ALKAL2: variants seen among roughly 807,000 people sequenced by gnomAD.
ALKAL2 encodes ALK and LTK ligand 2.
ALKAL2 carries 8 observed loss-of-function variants against 18.5 expected under a neutral mutation model. The observed-to-expected ratio is 0.43, with a 90% CI of 0.25 to 0.78. ALKAL2 has a LOEUF of 0.78. ALKAL2 is among the 30% of genes least tolerant of loss of function. The pLI is 0.22. For missense variants in ALKAL2, 241 were observed against 211.2 expected (o/e 1.14, Z -0.88); for synonymous variants, 135 against 95.8 (o/e 1.41, Z -2.39).
intron 1 of ALKAL2, 33 bp from the exon 2 acceptor site, chr2:287,925 A>G (rs1670584099): frequency 1.6e-6 from 2 of 1,236,454 alleles, no homozygotes; most frequent in East Asian, 6.7e-5. Context: ...GGCCGGAGAG[A>G]AAGTCAGCGG....
In ALKAL2 at chr2:283,095, G is replaced by T; in HGVS notation, c.453+16C>A. 6.2e-7 allele frequency: 1 copy of T among 1,607,192 alleles called. No homozygotes were observed. Among genetic ancestry groups the T allele is most frequent in the African/African-American group, 1.3e-5 (1 of 74,926 alleles). ...ATCTTTGGTATGTGCTCCAGTGTGT[G>T]TCTGTCCAAGCTTACCTTATCCTCC... On this transcript the variant is annotated intron_variant, in intron 5 of 5. Coordinates refer to ENST00000403610, the MANE Select transcript of ALKAL2 (RefSeq NM_001002919.3).
intron 4 of ALKAL2, chr2:283,690 C>T (rs1193542774): frequency 9.7e-5 from 59 of 608,480 alleles, no homozygotes; most frequent in Non-Finnish European, 1.2e-4. Flanking sequence ...CTGGCTGATA[C>T]TCCTTGGTAT....
At chr2:286,568 G>A in intron 2 of ALKAL2, 1 of 493,540 alleles carries the variant, frequency 2.0e-6, no homozygotes. Context: ...TGAAGCTCCA[G>A]GATTATGTCG....
Position 287,765 on chromosome 2 carries a change from C to A in ALKAL2, c.71G>T (p.Gly24Val). ...LVLGAAGRGR[G>V]GAEPREPADG... is the part of the protein sequence containing the mutation. ...CGCCGGCTCCCGGGGCTCCGCGCCC[C>A]CCCGGCCGCGCCCCGCCGCCCCCAG... Residue 24 changes from glycine to valine, a missense_variant, in exon 2 of 6, where the codon GGG (glycine) becomes GTG (valine). Gly to Val is a moderately radical substitution (Grantham distance 109). Coordinates refer to ENST00000403610, the MANE Select transcript of ALKAL2 (RefSeq NM_001002919.3). 1 of 1,429,102 alleles carries A rather than the reference C, an allele frequency of 7.0e-7. No homozygotes were observed. The allele number at this position is 1,429,102 out of a possible 1,614,324, so 88.5% of individuals were successfully genotyped here.
Position 286,109 on chromosome 2 carries a change from A to G in ALKAL2, c.388+14T>C, listed in dbSNP as rs766941663. 2.2e-5 allele frequency: 35 copies of G among 1,608,478 alleles called. No homozygotes were observed. Among genetic ancestry groups the G allele is most frequent in the East Asian group, 1.1e-4 (5 of 44,856 alleles). On this transcript the variant is annotated intron_variant, in intron 4 of 5. Transcript: ENST00000403610. ...TGCTCTTGCATTTTATAAAAATCCA[A>G]TGCTGTTACTTACATGCAGGAATGG...
At chr2:287,955 G>C (rs1670586190) in intron 1 of ALKAL2, 58 bp downstream of exon 1, 10 of 1,232,664 alleles carry the variant, frequency 8.1e-6, no homozygotes, top group Non-Finnish European at 1.0e-5. Flanking sequence ...ACGGAGCGCG[G>C]GGCGGGGGAG....
chr2:286,091 G>C lies in ALKAL2; in HGVS notation c.388+32C>G, dbSNP rs1371468402. 3 of 1,585,738 alleles carry C rather than the reference G, an allele frequency of 1.9e-6. No homozygotes were observed. In the African/African-American group the frequency reaches 4.0e-5, roughly 21 times the overall value. On this transcript the variant is annotated intron_variant, in intron 4 of 5. Transcript: ENST00000403610. ...GGGAACCGCTGCCTGCACTGCTCTT[G>C]CATTTTATAAAAATCCAATGCTGTT...
At position 286,537 on chromosome 2, in the gene ALKAL2, T is replaced by G. The variant is rs1031610609; in HGVS notation, c.254-194A>C. ...CAATATCAGGGACATTTATTTTCCT[T>G]GAAATAACAGTAACTGCTCCTGAAG... On this transcript the variant is annotated intron_variant, in intron 2 of 5. Coordinates refer to ENST00000403610, the MANE Select transcript of ALKAL2 (RefSeq NM_001002919.3). 3 of 532,574 alleles carry G rather than the reference T, an allele frequency of 5.6e-6. No homozygotes were observed. The African/African-American group carries it at 5.8e-5, about 10-fold the overall frequency. 33.0% of individuals were successfully genotyped at this position (532,574 alleles called of 1,614,324 possible). A position where few individuals can be genotyped will look rare whatever the true frequency, so the allele number is the denominator to read the frequency against.
Position 283,151 on chromosome 2 carries a change from A to T in ALKAL2, c.413T>A (p.Leu138His). ...PAYYKRCARL[L>H]TRLAVSPVCM... is the part of the protein sequence containing the mutation. ...CACTGGACTGACAGCCAGCCGGGTAAGAAGCCTGGCGCATCTTTTATAGTC... is the reference window on the plus strand; with the variant it reads ...CACTGGACTGACAGCCAGCCGGGTATGAAGCCTGGCGCATCTTTTATAGTC... The change falls in exon 5 of 6, where the codon CTT (leucine) becomes CAT (histidine). Residue 138 changes from leucine (L) to histidine (H), a missense_variant. Coordinates refer to ENST00000403610, the MANE Select transcript of ALKAL2 (RefSeq NM_001002919.3). 6.2e-7 allele frequency: 1 copy of T among 1,613,288 alleles called. No homozygotes were observed. Among genetic ancestry groups the T allele is most frequent in the Admixed American group, 1.7e-5 (1 of 59,958 alleles).
intron 4 of ALKAL2, 196 bp downstream of exon 4, chr2:285,927 C>A: frequency 3.6e-6 from 2 of 553,580 alleles, no homozygotes; most frequent in Non-Finnish European, 6.4e-6. Context: ...TAAATAATTT[C>A]CAGTTTGGCG....
At position 284,508 on chromosome 2, in the gene ALKAL2, C is replaced by T. The variant is rs1670444301; in HGVS notation, c.389-1333G>A. Among the ~76,000 whole-genome samples, 6 of 152,164 alleles carry T rather than the reference C, an allele frequency of 3.9e-5. No homozygotes were observed. In the South Asian group the frequency reaches 1.2e-3, roughly 32 times the overall value. ...CAGTTCTTTATGGGCTAAGAAGAGG[C>T]AGAAAGCAACAAAGTGGCCACCCAT... On this transcript the variant is annotated intron_variant, in intron 4 of 5. Transcript: ENST00000403610.
At chr2:281,464 C>T (rs1447157641) in intron 5 of ALKAL2, among the ~76,000 whole-genome samples, 1 of 152,084 alleles carries the variant, frequency 6.6e-6, no homozygotes, top group East Asian at 1.9e-4. Flanking sequence ...GTGAAGAGTG[C>T]TGGGGACTAT....
chr2:280,252 A>C, intron 5 of ALKAL2, 100 bp from the exon 6 acceptor site: 1 of 1,322,702 alleles, frequency 7.6e-7, no homozygotes, highest in Non-Finnish European at 1.1e-6. Context: ...CATGTTTATA[A>C]ACATAGGCAG....
rs1670565002 is a variant in ALKAL2 at position 287,618 on chromosome 2, G to C, written c.218C>G (p.Ala73Gly). 1 of 1,477,132 alleles carries C rather than the reference G, an allele frequency of 6.8e-7. No individual in the cohort carries two copies. Among genetic ancestry groups the C allele is most frequent in the Middle Eastern group, 1.7e-4 (1 of 5,806 alleles). The allele number at this position is 1,477,132 out of a possible 1,614,324, so 91.5% of individuals were successfully genotyped here. A position where few individuals can be genotyped will look rare whatever the true frequency, so the allele number is the denominator to read the frequency against. The change falls in exon 2 of 6, where the codon GCG becomes GGG. Residue 73 changes from alanine (A) to glycine (G), a missense_variant. Physicochemically the swap from Ala to Gly is moderately conservative, Grantham distance 60 (BLOSUM62 0). Transcript: ENST00000403610. ...GRDCALGRAE[A>G]AGLGPSPEQR... ...CTCCGGCGAAGGCCCCAGCCCCGCC[G>C]CCTCCGCGCGGCCCAGGGCGCAGTC...
intron 4 of ALKAL2, chr2:285,887 C>A: frequency 4.2e-6 from 2 of 480,052 alleles, no homozygotes; most frequent in South Asian, 5.6e-5. Context: ...GAGTTCAGCC[C>A]ATCCCAAGAG....
intron 4 of ALKAL2, among the ~76,000 whole-genome samples, chr2:284,678 G>A (rs1468851554): frequency 1.3e-5 from 2 of 152,176 alleles, no homozygotes; most frequent in African/African-American, 2.4e-5. Context: ...AAAAAGGCCT[G>A]CAGAGTCAAC....
Position 280,081 on chromosome 2 carries a change from C to A in ALKAL2, c.*66G>T. ...TGAGGGGATGTGTATAAAGATAGTT[C>A]TGTTTCCCTGTTGGTTTCCAAGGCA... On this transcript the variant is annotated 3_prime_UTR_variant, in exon 6 of 6. Coordinates refer to ENST00000403610, the MANE Select transcript of ALKAL2 (RefSeq NM_001002919.3). 1 of 1,588,858 alleles carries A rather than the reference C, an allele frequency of 6.3e-7. No homozygotes were observed. The highest frequency in any genetic ancestry group is 8.6e-7 in the Non-Finnish European group (1 of 1,157,014).
In ALKAL2 at chr2:283,105, G is replaced by A; in HGVS notation, c.453+6C>T. 1 of 1,610,686 alleles carries A rather than the reference G, an allele frequency of 6.2e-7. No individual in the cohort carries two copies. The highest frequency in any genetic ancestry group is 1.1e-5 in the South Asian group (1 of 89,968). ...TGTGCTCCAGTGTGTGTCTGTCCAAGCTTACCTTATCCTCCATGCACACTG... is the reference window on the plus strand; with the variant it reads ...TGTGCTCCAGTGTGTGTCTGTCCAAACTTACCTTATCCTCCATGCACACTG... On this transcript the variant is annotated splice_donor_region_variant and intron_variant, in intron 5 of 5. Transcript: ENST00000403610.
chr2:280,247 T>G, intron 5 of ALKAL2, 95 bp from the exon 6 acceptor site: 1 of 1,371,648 alleles, frequency 7.3e-7, no homozygotes, highest in Non-Finnish European at 1.0e-6. Flanking sequence ...CACAACATGT[T>G]TATAAACATA....
Sources: allele counts gnomAD v4.1 joint callset (sites outside exome capture counted in the v4.1 genomes callset), GRCh38; gene constraint gnomAD v4.1.1; transcripts MANE v1.5; gene names NCBI Gene and HGNC (gene_info 2026-07-23, HGNC 2026-07-21).